TSNARE1: variants seen among roughly 807,000 people sequenced by gnomAD.
The protein encoded by TSNARE1 is t-SNARE domain-containing protein 1.
A neutral mutation model predicts 62.0 loss-of-function variants in TSNARE1; 49 were observed. The ratio of observed to expected loss-of-function variants is 0.79; its 90% CI spans 0.63 to 1.00. TSNARE1 has a LOEUF of 1.00. Among genes scored for constraint, TSNARE1 ranks in the 50% least tolerant of loss-of-function variants. The pLI is 0.00. For missense variants in TSNARE1, 755 were observed against 700.1 expected (o/e 1.08, Z -0.88); for synonymous variants, 328 against 294.4 (o/e 1.11, Z -1.17).
intron 6 of TSNARE1, among the ~76,000 whole-genome samples, chr8:142,320,733 G>A (rs994811226): frequency 6.6e-6 from 1 of 152,226 alleles, no homozygotes; most frequent in African/African-American, 2.4e-5. Context: ...CTGCCACCGT[G>A]GGCAACGCCC....
Position 142,300,637 on chromosome 8 carries a change from T to C in TSNARE1, c.1139A>G (p.Gln380Arg). 1 of 1,613,144 alleles carries C rather than the reference T, an allele frequency of 6.2e-7. No individual in the cohort carries two copies. Among genetic ancestry groups the C allele is most frequent in the Non-Finnish European group, 8.5e-7 (1 of 1,179,674 alleles). ...MAQRGSKQSP[Q>R]APFAELADDE... ...ATCAGCCAGCTCGGCAAACGGGGCC[T>C]GGGGACTCTGCTGATGACAGACAGA... Residue 380 changes from glutamine to arginine, a missense_variant, in exon 10 of 14, where the codon CAG becomes CGG. Gln to Arg is a conservative substitution (Grantham distance 43). Coordinates refer to ENST00000524325, the MANE Select transcript of TSNARE1 (RefSeq NM_145003.5).
In TSNARE1 at chr8:142,365,596, G is replaced by GCA. The variant is rs1341750042; in HGVS notation, c.-39-10835_-39-10834dup. On this transcript the variant is annotated intron_variant, in intron 1 of 13. Transcript: ENST00000524325. ...TGAGAAAAACCATCCATAAACACAT[G>GCA]CACACGCACACACACACACACACAC... is the stretch of plus-strand genomic sequence containing the variant. Among the ~76,000 whole-genome samples the GCA allele has an allele frequency of 5.8e-4, 66 of 113,308 alleles. No individual in the cohort carries two copies. In the East Asian group the frequency reaches 9.6e-3, roughly 16 times the overall value. The allele number at this position is 113,308 out of a possible 152,430, so 74.3% of individuals were successfully genotyped here. A position where few individuals can be genotyped will look rare whatever the true frequency, so the allele number is the denominator to read the frequency against.
At chr8:142,263,265 A>G (rs1818978839) in intron 12 of TSNARE1, among the ~76,000 whole-genome samples, 1 of 152,252 alleles carries the variant, frequency 6.6e-6, no homozygotes, top group South Asian at 2.1e-4. Context: ...ACGTCTGGAA[A>G]TGGCAATCAT....
chr8:142,405,498 C>T (rs1159511218), upstream of TSNARE1: 4 of 152,248 alleles, frequency 2.6e-5, no homozygotes, highest in Admixed American at 2.6e-4. Context: ...ATCTACCATT[C>T]CAGGTCCCAG....
At chr8:142,359,948 G>A (rs36117364) in intron 1 of TSNARE1, among the ~76,000 whole-genome samples, 25,204 of 152,136 alleles carry the variant, frequency 0.17, 2,251 homozygotes, top group East Asian at 0.29. Context: ...ATGCTGGCTC[G>A]CTCGGATGGG....
chr8:142,344,602 A>C, intron 3 of TSNARE1, 130 bp from the exon 4 acceptor site: 5 of 969,934 alleles, frequency 5.2e-6, no homozygotes, highest in Non-Finnish European at 5.7e-6. Context: ...CCTGGCCACC[A>C]CCCCTCCCTG....
intron 10 of TSNARE1, 64 bp from the exon 11 acceptor site, chr8:142,284,549 A>C: frequency 7.8e-7 from 1 of 1,290,012 alleles, no homozygotes; most frequent in Non-Finnish European, 1.0e-6. Flanking sequence ...AGGGCACCTG[A>C]AAGTTTCCCA....
chr8:142,270,021 C>T (rs1304932984), intron 12 of TSNARE1: 1 of 985,344 alleles, frequency 1.0e-6, no homozygotes, highest in Admixed American at 6.1e-5. Flanking sequence ...GACCAGCATG[C>T]CTCCCACTCA....
At chr8:142,277,745 T>A in intron 11 of TSNARE1, 4 of 985,242 alleles carry the variant, frequency 4.1e-6, no homozygotes, top group Non-Finnish European at 4.8e-6. Flanking sequence ...GGACCTGGAG[T>A]GGCTGATCCA....
At chr8:142,381,280 A>T (rs941494737) in intron 1 of TSNARE1, among the ~76,000 whole-genome samples, 2 of 152,208 alleles carry the variant, frequency 1.3e-5, no homozygotes, top group African/African-American at 2.4e-5. Flanking sequence ...GCCATGTCTC[A>T]GCCACCTCCA....
chr8:142,284,349 G>A (rs1822318304), intron 11 of TSNARE1, 64 bp downstream of exon 11: 1 of 1,359,236 alleles, frequency 7.4e-7, no homozygotes, highest in South Asian at 1.2e-5. Flanking sequence ...AAGGGGTGAG[G>A]GCTGGGGGCT....
chr8:142,341,832 C>A (rs931242958), intron 4 of TSNARE1, among the ~76,000 whole-genome samples: 8 of 152,216 alleles, frequency 5.3e-5, no homozygotes, highest in Admixed American at 2.0e-4. Flanking sequence ...AGCACAACCA[C>A]CGGCTCACTC....
At chr8:142,378,605 G>T (rs1193798606) in intron 1 of TSNARE1, among the ~76,000 whole-genome samples, 1 of 152,182 alleles carries the variant, frequency 6.6e-6, no homozygotes, top group Non-Finnish European at 1.5e-5. Flanking sequence ...CACCGCTCAG[G>T]GTAAGAAGCC....
intron 1 of TSNARE1, among the ~76,000 whole-genome samples, chr8:142,361,437 G>A (rs4469597): frequency 4.0e-4 from 61 of 152,284 alleles, no homozygotes; most frequent in African/African-American, 1.2e-3. Flanking sequence ...CAGGACACAC[G>A]GCAGCAGAGG....
At position 142,347,412 on chromosome 8, in the gene TSNARE1, T is replaced by C. The variant is rs190976077; in HGVS notation, c.89-1520A>G. ...TGATGAAGTGAGCCTCCAGCATGGG[T>C]CCCCCTCCCAAGAGGGCAGGGCCTG... On this transcript the variant is annotated intron_variant, in intron 2 of 13. Transcript: ENST00000524325. Among the ~76,000 whole-genome samples, 915 of 152,062 alleles carry C rather than the reference T, an allele frequency of 6.0e-3. 10 individuals are homozygous for C. Among genetic ancestry groups the C allele is most frequent in the African/African-American group, 0.021 (858 of 41,482 alleles).
chr8:142,250,771 T>C (rs906671487), intron 12 of TSNARE1, among the ~76,000 whole-genome samples: 4 of 152,202 alleles, frequency 2.6e-5, no homozygotes, highest in African/African-American at 9.6e-5. Context: ...CCTGCTTCCC[T>C]GACCTGCAGT....
intron 1 of TSNARE1, among the ~76,000 whole-genome samples, chr8:142,370,661 C>A (rs1028918719): frequency 6.6e-6 from 1 of 151,990 alleles, no homozygotes; most frequent in Admixed American, 6.6e-5. Context: ...GTGAAAAGCA[C>A]ATAGAAATAT....
chr8:142,392,184 C>T (rs549357300), intron 1 of TSNARE1, among the ~76,000 whole-genome samples: 4 of 152,032 alleles, frequency 2.6e-5, no homozygotes, highest in Admixed American at 6.6e-5. Flanking sequence ...CCACCATGCC[C>T]GGCTAATTTT....
At position 142,360,242 on chromosome 8, in the gene TSNARE1, A is replaced by G. The variant is rs905001843; in HGVS notation, c.-39-5479T>C. 2.6e-5 allele frequency among the ~76,000 whole-genome samples: 4 copies of G among 152,096 alleles called. No individual in the cohort carries two copies. The East Asian group carries it at 7.7e-4, about 29-fold the overall frequency. ...TCAGAGGAGGGAGGGCTGGGCAGGC[A>G]GAGGCATGGCCAGGAGGGGATGTGG... On this transcript the variant is annotated intron_variant, in intron 1 of 13. Coordinates refer to ENST00000524325, the MANE Select transcript of TSNARE1 (RefSeq NM_145003.5).
Sources: allele counts gnomAD v4.1 joint callset (sites outside exome capture counted in the v4.1 genomes callset), GRCh38; gene constraint gnomAD v4.1.1; transcripts MANE v1.5; gene names NCBI Gene and HGNC (gene_info 2026-07-23, HGNC 2026-07-21).